The following RAB31 variants were observed in gnomAD, a reference collection of about 807,000 sequenced individuals.
The protein encoded by RAB31 is RAB31, member RAS oncogene family, also known as ras-related protein Rab-31.
In RAB31, 21 loss-of-function variants were observed where a neutral mutation model predicts 25.6. The ratio of observed to expected loss-of-function variants is 0.82; its 90% CI spans 0.58 to 1.18. The LOEUF (loss-of-function observed/expected upper bound fraction) is 1.18, where lower values mean the gene tolerates loss of function less well. Ranked by LOEUF, RAB31 falls within the 50% of genes most tolerant of loss-of-function variation. The pLI, the probability that RAB31 is intolerant of heterozygous loss-of-function variation, is 0.00. For missense variants in RAB31, 196 were observed against 250.1 expected (o/e 0.78, Z 1.46); for synonymous variants, 87 against 84.0 (o/e 1.04, Z -0.20).
intron 1 of RAB31, among the ~76,000 whole-genome samples, chr18:9,751,326 A>G (rs1316577393): frequency 6.6e-6 from 1 of 152,208 alleles, no homozygotes; most frequent in Non-Finnish European, 1.5e-5. Context: ...TTTAAAATAA[A>G]GTCAGTCAGT....
intron 2 of RAB31, chr18:9,787,330 T>C (rs1168031767): frequency 5.3e-6 from 1 of 188,686 alleles, no homozygotes; most frequent in Non-Finnish European, 1.2e-5. Context: ...AGATAATCCA[T>C]CCCAGAGAGA....
chr18:9,832,198 G>A (rs913789929), intron 5 of RAB31, among the ~76,000 whole-genome samples: 1 of 152,216 alleles, frequency 6.6e-6, no homozygotes, highest in Admixed American at 6.5e-5. Context: ...AAAGGCCAGG[G>A]CCAAGATGCA....
intron 1 of RAB31, among the ~76,000 whole-genome samples, chr18:9,770,184 C>T (rs2145488096): frequency 6.6e-6 from 1 of 152,262 alleles, no homozygotes; most frequent in East Asian, 1.9e-4. Flanking sequence ...GTTTTGGTAT[C>T]AGGATGATGC....
chr18:9,798,861 G>A (rs1035244098), intron 3 of RAB31, among the ~76,000 whole-genome samples: 2 of 152,106 alleles, frequency 1.3e-5, no homozygotes, highest in African/African-American at 4.8e-5. Flanking sequence ...AGGCCGAGGC[G>A]GGCAGATCAC....
At chr18:9,732,960 G>C (rs1056455726) in intron 1 of RAB31, among the ~76,000 whole-genome samples, 29 of 152,174 alleles carry the variant, frequency 1.9e-4, no homozygotes, top group Admixed American at 1.8e-3. Flanking sequence ...AATGAAACTT[G>C]AGGGTAGGTT....
chr18:9,762,218 G>A (rs1214908178), intron 1 of RAB31, among the ~76,000 whole-genome samples: 1 of 152,226 alleles, frequency 6.6e-6, no homozygotes, highest in East Asian at 1.9e-4. Context: ...TGAATACTGG[G>A]AGGCGGGGAT....
At chr18:9,786,296 T>C (rs2068432504) in intron 2 of RAB31, among the ~76,000 whole-genome samples, 1 of 152,264 alleles carries the variant, frequency 6.6e-6, no homozygotes, top group Admixed American at 6.5e-5. Context: ...GCATGGCAGC[T>C]CTGTGCCCCT....
chr18:9,813,930 G>C (rs575639106), intron 3 of RAB31, 90 bp from the exon 4 acceptor site: 1 of 804,006 alleles, frequency 1.2e-6, no homozygotes, highest in East Asian at 2.7e-5. Flanking sequence ...GATCCTGTAA[G>C]GATGATGTAG....
Position 9,827,497 on chromosome 18 carries a change from A to T in RAB31, c.380+12275A>T, listed in dbSNP as rs146402000. On this transcript the variant is annotated intron_variant, in intron 5 of 6. Transcript: ENST00000578921. Reference sequence around the variant, plus strand: ...TAAGATTCCTCCTACCCTCCCCATGAATACAACCCAGGAGATGCTCAGGGG... The same window carrying T: ...TAAGATTCCTCCTACCCTCCCCATGTATACAACCCAGGAGATGCTCAGGGG... Among the ~76,000 whole-genome samples, 1,028 of 152,178 alleles carry T rather than the reference A, an allele frequency of 6.8e-3. 2 individuals carry two copies. Among genetic ancestry groups the T allele is most frequent in the Non-Finnish European group, 9.7e-3 (662 of 67,982 alleles).
chr18:9,854,572 G>A (rs2068806031), intron 6 of RAB31, among the ~76,000 whole-genome samples: 1 of 152,116 alleles, frequency 6.6e-6, no homozygotes, highest in Non-Finnish European at 1.5e-5. Flanking sequence ...CTGACCTAAT[G>A]AGCTTCCCAC....
At chr18:9,841,538 C>CAAAAAAAAAAAAAAAAAAAAAAA (rs56283904) in intron 5 of RAB31, among the ~76,000 whole-genome samples, 1 of 100,862 alleles carries the variant, frequency 9.9e-6, no homozygotes, top group Non-Finnish European at 1.9e-5. Flanking sequence ...GACTCTGTCT[C>CAAAAAAAAAAAAAAAAAAAAAAA]AAAAAAAAAA....
rs574595848 is a variant in RAB31 at position 9,766,216 on chromosome 18, G to A, written c.40-9062G>A. 5.3e-5 allele frequency among the ~76,000 whole-genome samples: 8 copies of A among 152,246 alleles called. 2 individuals are homozygous for A. Among genetic ancestry groups the A allele is most frequent in the African/African-American group, 9.6e-5 (4 of 41,546 alleles). ...GCCTGGATTGCTAAGGCCAGGGCCCGGGAGCTGGGCTCTCACTCTTTCCAG... is the reference window on the plus strand; with the variant it reads ...GCCTGGATTGCTAAGGCCAGGGCCCAGGAGCTGGGCTCTCACTCTTTCCAG... On this transcript the variant is annotated intron_variant, in intron 1 of 6. Coordinates refer to ENST00000578921, the MANE Select transcript of RAB31 (RefSeq NM_006868.4). This position sits in a 1 kb window ranked among gnomAD's most constrained non-coding sequence, Gnocchi z 4.3.
chr18:9,785,478 A>G (rs907668269), intron 2 of RAB31, among the ~76,000 whole-genome samples: 2 of 152,208 alleles, frequency 1.3e-5, no homozygotes, highest in African/African-American at 4.8e-5. Context: ...TTGCATATAT[A>G]TAGGTTTTCA....
chr18:9,793,690 CA>C (rs1180135680), intron 3 of RAB31, among the ~76,000 whole-genome samples: 1 of 145,428 alleles, frequency 6.9e-6, no homozygotes, highest in African/African-American at 2.8e-5. Context: ...AACGGATAGC[CA>C]GATAGCCAAG....
rs1292723593 is a variant in RAB31 at position 9,861,852 on chromosome 18, CT to C, written c.*2528del. On this transcript the variant is annotated 3_prime_UTR_variant, in exon 7 of 7. Coordinates refer to ENST00000578921, the MANE Select transcript of RAB31 (RefSeq NM_006868.4). ...CCATTTCACTGGCTGAGTTTGGCCCCTAGCCATGTGTTAATATAAAGTAGGC... is the reference window on the plus strand; with the variant it reads ...CCATTTCACTGGCTGAGTTTGGCCCCAGCCATGTGTTAATATAAAGTAGGC... 1.3e-5 allele frequency: 2 copies of C among 152,486 alleles called. No individual in the cohort carries two copies. Among genetic ancestry groups the C allele is most frequent in the Non-Finnish European group, 2.9e-5 (2 of 68,026 alleles). The allele number at this position is 152,486 out of a possible 1,614,324, so 9.4% of individuals were successfully genotyped here.
chr18:9,752,179 C>T (rs1004365457), intron 1 of RAB31, among the ~76,000 whole-genome samples: 2 of 152,192 alleles, frequency 1.3e-5, no homozygotes, highest in African/African-American at 2.4e-5. Flanking sequence ...ACCGTGCTTG[C>T]ATTGACTGAT....
chr18:9,737,894 G>T (rs1363429690), intron 1 of RAB31, among the ~76,000 whole-genome samples: 1 of 152,168 alleles, frequency 6.6e-6, no homozygotes, highest in Non-Finnish European at 1.5e-5. Flanking sequence ...AAAAGCTCTT[G>T]TTACTGAATG....
chr18:9,859,108 C>T lies in RAB31; in HGVS notation c.491-120C>T, dbSNP rs1270522020. 13 of 753,448 alleles carry T rather than the reference C, an allele frequency of 1.7e-5. No individual in the cohort carries two copies. The East Asian group carries it at 3.3e-4, about 19-fold the overall frequency. The allele number at this position is 753,448 out of a possible 1,614,324, so 46.7% of individuals were successfully genotyped here. ...GGAAGGAAGGAGAAAGGAGCCCCTC[C>T]AGGAACACCTTTATTTTGTGCACAG... is the stretch of plus-strand genomic sequence containing the variant. On this transcript the variant is annotated intron_variant, in intron 6 of 6. Coordinates refer to ENST00000578921, the MANE Select transcript of RAB31 (RefSeq NM_006868.4).
chr18:9,818,906 G>A (rs896671784), intron 5 of RAB31, among the ~76,000 whole-genome samples: 1 of 152,130 alleles, frequency 6.6e-6, no homozygotes, highest in African/African-American at 2.4e-5. Flanking sequence ...CTTTTCATAT[G>A]TTTATTGGCC....
Sources: allele counts gnomAD v4.1 joint callset (sites outside exome capture counted in the v4.1 genomes callset), GRCh38; gene constraint gnomAD v4.1.1; non-coding constraint Gnocchi (gnomAD v3.1); transcripts MANE v1.5; gene names NCBI Gene and HGNC (gene_info 2026-07-23, HGNC 2026-07-21).